NEGR1: variants seen among roughly 807,000 people sequenced by gnomAD.
The protein encoded by NEGR1 is IgLON family member 4.
Under a neutral mutation model 40.9 loss-of-function variants are expected in NEGR1, and 10 were observed. The ratio of observed to expected loss-of-function variants is 0.24; its 90% CI spans 0.15 to 0.42. The LOEUF (loss-of-function observed/expected upper bound fraction) is 0.42, where lower values mean the gene tolerates loss of function less well. NEGR1 is among the 10% of genes least tolerant of loss of function. NEGR1 has a pLI of 1.00. For synonymous variants in NEGR1, 185 were observed against 166.8 expected, an observed-to-expected ratio of 1.11 and a Z score of -0.84; for missense variants, 352 against 438.9, an observed-to-expected ratio of 0.80 and a Z score of 1.77.
At chr1:71,593,053 C>G (rs1373731229) in intron 5 of NEGR1, 85 bp from the exon 6 acceptor site, 3 of 871,976 alleles carry the variant, frequency 3.4e-6, no homozygotes, top group Non-Finnish European at 5.5e-6. Context: ...GTCATGGCAA[C>G]CCATAGACAA....
At chr1:71,555,864 T>A (rs1302278085) in intron 6 of NEGR1, among the ~76,000 whole-genome samples, 2 of 151,612 alleles carry the variant, frequency 1.3e-5, no homozygotes, top group African/African-American at 4.8e-5. Flanking sequence ...CCCAACTTGT[T>A]AGTAACATAC....
intron 1 of NEGR1, among the ~76,000 whole-genome samples, chr1:72,036,832 A>C (rs2100448944): frequency 6.6e-6 from 1 of 152,216 alleles, no homozygotes. Context: ...AACTGCAAAT[A>C]ATCAATATGG....
chr1:72,168,019 T>TG (rs1433608545), intron 1 of NEGR1, among the ~76,000 whole-genome samples: 3 of 151,230 alleles, frequency 2.0e-5, no homozygotes, highest in South Asian at 4.2e-4. Flanking sequence ...TTTTTTTTTT[T>TG]TCTGAGACAA....
intron 2 of NEGR1, among the ~76,000 whole-genome samples, chr1:71,818,973 G>C (rs888153456): frequency 1.3e-5 from 2 of 151,900 alleles, no homozygotes; most frequent in East Asian, 3.9e-4. Flanking sequence ...ATAGAACAAA[G>C]CATTTAGATT....
At chr1:71,557,694 C>T (rs1607275) in intron 6 of NEGR1, among the ~76,000 whole-genome samples, 1 of 151,202 alleles carries the variant, frequency 6.6e-6, no homozygotes, top group African/African-American at 2.4e-5. Context: ...CTTATATAAC[C>T]ATGGGACAAT....
At chr1:71,515,771 C>T (rs1312738457) in intron 6 of NEGR1, among the ~76,000 whole-genome samples, 34 of 127,384 alleles carry the variant, frequency 2.7e-4, no homozygotes, top group South Asian at 1.1e-3. Context: ...TTAAAAGACA[C>T]AGACTGGCAA....
chr1:71,491,875 A>G (rs1006872434), intron 6 of NEGR1, among the ~76,000 whole-genome samples: 1 of 152,136 alleles, frequency 6.6e-6, no homozygotes, highest in African/African-American at 2.4e-5. Flanking sequence ...GTGTCCCTCC[A>G]AAATTTATAT....
At chr1:71,688,237 C>A (rs1481411100) in intron 4 of NEGR1, among the ~76,000 whole-genome samples, 2 of 146,918 alleles carry the variant, frequency 1.4e-5, no homozygotes, top group Non-Finnish European at 3.0e-5. Context: ...TGCCCAGCTA[C>A]AGAGCCTGAC....
At chr1:72,141,543 C>T (rs990619657) in intron 1 of NEGR1, among the ~76,000 whole-genome samples, 4 of 151,912 alleles carry the variant, frequency 2.6e-5, no homozygotes, top group African/African-American at 9.7e-5. Flanking sequence ...AATGGGAGCA[C>T]CACTCAATTT....
intron 2 of NEGR1, among the ~76,000 whole-genome samples, chr1:71,863,480 T>G (rs962363363): frequency 2.6e-5 from 4 of 152,088 alleles, no homozygotes; most frequent in Non-Finnish European, 5.9e-5. Context: ...TCAGGAAGAA[T>G]AGCTAATGGG....
intron 1 of NEGR1, among the ~76,000 whole-genome samples, chr1:72,162,862 T>G (rs1356996524): frequency 6.6e-6 from 1 of 152,102 alleles, no homozygotes; most frequent in Non-Finnish European, 1.5e-5. Flanking sequence ...TTTGCATATC[T>G]CTATAATAAG....
At chr1:71,591,257 A>C (rs965678709) in intron 6 of NEGR1, among the ~76,000 whole-genome samples, 7 of 152,174 alleles carry the variant, frequency 4.6e-5, no homozygotes, top group Non-Finnish European at 7.4e-5. Context: ...TCTCTTCTGA[A>C]GGCACTACGT....
intron 1 of NEGR1, among the ~76,000 whole-genome samples, chr1:72,219,426 T>A (rs1461812108): frequency 1.3e-5 from 2 of 152,096 alleles, no homozygotes; most frequent in Non-Finnish European, 2.9e-5. Flanking sequence ...TTATATATAA[T>A]GAGTATTTTC....
At chr1:72,277,641 T>G (rs1656103514) in intron 1 of NEGR1, among the ~76,000 whole-genome samples, 1 of 152,156 alleles carries the variant, frequency 6.6e-6, no homozygotes, top group Non-Finnish European at 1.5e-5. Context: ...GAACATATTT[T>G]TCCAGATTGA....
chr1:72,126,091 ATGTGTGTGTGTGTGTG>A (rs67552146), intron 1 of NEGR1, among the ~76,000 whole-genome samples: 87 of 146,826 alleles, frequency 5.9e-4, no homozygotes, highest in African/African-American at 1.9e-3. Flanking sequence ...AGAGAAAAGT[ATGTGTGTGTGTGTGTG>A]TGTGTGTGTG....
chr1:71,835,670 A>C (rs1208183060), intron 2 of NEGR1, among the ~76,000 whole-genome samples: 2 of 152,120 alleles, frequency 1.3e-5, no homozygotes, highest in African/African-American at 4.8e-5. Context: ...TGAATCTTGC[A>C]GTTTCTGAAT....
rs117194998 is a variant in NEGR1, at chr1:72,195,369, T to C, written c.176+86950A>G. Among the ~76,000 whole-genome samples, 10 of 152,146 alleles carry C rather than the reference T, an allele frequency of 6.6e-5. No individual in the cohort carries two copies. The East Asian group carries it at 1.7e-3, about 27-fold the overall frequency. ...TTGTTTTCCTATAAAGTGGTGGGCC[T>C]AAACTGCTTCTACATTTTTGTTGCC... On this transcript the variant is annotated intron_variant, in intron 1 of 6. Transcript: ENST00000357731.
intron 1 of NEGR1, among the ~76,000 whole-genome samples, chr1:72,088,417 G>A (rs897255353): frequency 6.6e-6 from 1 of 152,128 alleles, no homozygotes; most frequent in Admixed American, 6.5e-5. Flanking sequence ...CGACCATTAC[G>A]AGTGATTAAG....
At chr1:71,580,922 A>G (rs1303160587) in intron 6 of NEGR1, among the ~76,000 whole-genome samples, 2 of 152,180 alleles carry the variant, frequency 1.3e-5, no homozygotes, top group African/African-American at 4.8e-5. Context: ...ACTAGCTTTT[A>G]AGGCCAATTG....
Sources: gnomAD v4.1 joint callset for allele counts (sites outside exome capture counted in the v4.1 genomes callset) on GRCh38, gnomAD v4.1.1 for gene constraint, MANE v1.5 for transcripts, NCBI Gene and HGNC (gene_info 2026-07-23, HGNC 2026-07-21) for gene names.